The following TMEM63C variants were observed in gnomAD, a reference collection of about 807,000 sequenced individuals.
TMEM63C encodes transmembrane protein 63C.
Under a neutral mutation model 99.2 loss-of-function variants are expected in TMEM63C, and 32 were observed. The ratio of observed to expected loss-of-function variants is 0.32; its 90% CI spans 0.24 to 0.43. The LOEUF is 0.43. Ranked by LOEUF, TMEM63C falls within the 20% of genes least tolerant of loss-of-function variation. TMEM63C has a pLI of 1.00. For synonymous variants in TMEM63C, 376 were observed against 397.9 expected (o/e 0.94, Z 0.66); for missense variants, 826 against 1,053.0 (o/e 0.78, Z 2.98).
At chr14:77,195,284 G>A (rs1007453460) in intron 1 of TMEM63C, among the ~76,000 whole-genome samples, 5 of 152,200 alleles carry the variant, frequency 3.3e-5, no homozygotes, top group African/African-American at 1.2e-4. Context: ...AGGAAAATGA[G>A]AGCTAGAGAG....
At chr14:77,186,255 C>T (rs1887992989) in intron 1 of TMEM63C, among the ~76,000 whole-genome samples, 1 of 152,094 alleles carries the variant, frequency 6.6e-6, no homozygotes, top group African/African-American at 2.4e-5. Flanking sequence ...TCAGGTGATC[C>T]ACTCATCTCA....
chr14:77,245,859 T>C lies in TMEM63C; in HGVS notation c.1449-81T>C, dbSNP rs1303187819. 6 of 1,024,846 alleles carry C rather than the reference T, an allele frequency of 5.9e-6. No individual in the cohort carries two copies. The East Asian group carries it at 1.2e-4, about 20-fold the overall frequency. 63.5% of individuals were successfully genotyped at this position (1,024,846 alleles called of 1,614,324 possible). A position where few individuals can be genotyped will look rare whatever the true frequency, so the allele number is the denominator to read the frequency against. ...CAGAGCCAAACCATATCAGTGTCTCTCTTCCTCTCTATTACATAGTTAGGC... is the reference window on the plus strand; with the variant it reads ...CAGAGCCAAACCATATCAGTGTCTCCCTTCCTCTCTATTACATAGTTAGGC... On this transcript the variant is annotated intron_variant, in intron 16 of 23. Coordinates refer to ENST00000298351, the MANE Select transcript of TMEM63C (RefSeq NM_020431.4).
At chr14:77,210,683 GAGA>G (rs1318122986) in intron 1 of TMEM63C, among the ~76,000 whole-genome samples, 1 of 152,196 alleles carries the variant, frequency 6.6e-6, no homozygotes, top group Non-Finnish European at 1.5e-5. Context: ...AGGAGACCTG[GAGA>G]AGAAGGAAGA....
chr14:77,255,097 TCTC>T (rs1312398559), intron 23 of TMEM63C, among the ~76,000 whole-genome samples: 1 of 152,188 alleles, frequency 6.6e-6, no homozygotes, highest in Admixed American at 6.5e-5. Context: ...TTAAAGCAAT[TCTC>T]CTGTCTCAGC....
In TMEM63C at chr14:77,248,811, G is replaced by T; in HGVS notation, c.1809G>T (p.Met603Ile). 1 of 1,614,070 alleles carries T rather than the reference G, an allele frequency of 6.2e-7. No homozygotes were observed. The highest frequency in any genetic ancestry group is 1.3e-5 in the African/African-American group (1 of 75,058). The change falls in exon 20 of 24, where the codon ATG (methionine) becomes ATT (isoleucine). Residue 603 changes from methionine (M) to isoleucine (I), a missense_variant. By Grantham distance (10) the Met-to-Ile change is conservative (BLOSUM62 1). Transcript: ENST00000298351. ...DFQFGREYAW[M>I]MNVFSVVMAY... ...AGTTTGGGCGTGAGTATGCGTGGAT[G>T]ATGAACGTGTTCAGCGTGGTGATGG...
intron 7 of TMEM63C, 97 bp from the exon 8 acceptor site, chr14:77,233,355 T>A (rs1888978860): frequency 7.7e-7 from 1 of 1,293,644 alleles, no homozygotes; most frequent in Non-Finnish European, 1.1e-6. Flanking sequence ...AAGGCAAGCA[T>A]CTCCAGACCC....
intron 6 of TMEM63C, among the ~76,000 whole-genome samples, chr14:77,229,530 C>T (rs144940087): frequency 0.031 from 4,688 of 151,176 alleles, 249 homozygotes; most frequent in African/African-American, 0.11. Context: ...TCACTGTAGC[C>T]TCAACCTCCC....
In TMEM63C at chr14:77,248,333, C is replaced by A. The variant is rs367692762; in HGVS notation, c.1602-14C>A. The A allele has an allele frequency of 4.9e-5, 78 of 1,599,266 alleles. No individual in the cohort carries two copies. The highest frequency in any genetic ancestry group is 6.3e-5 in the Non-Finnish European group (74 of 1,172,366). The stretch of plus-strand genomic sequence containing the variant: ...TGGCTTCTGTTGCCACCTTCCCTCT[C>A]CCTCACTGCCCAGGTGTGTGTTCCT... On this transcript the variant is annotated splice_polypyrimidine_tract_variant and intron_variant, in intron 18 of 23. Transcript: ENST00000298351.
intron 1 of TMEM63C, among the ~76,000 whole-genome samples, chr14:77,182,429 A>G (rs1404005924): frequency 1.3e-5 from 2 of 152,176 alleles, no homozygotes; most frequent in South Asian, 2.1e-4. Context: ...ATGTGCTTCC[A>G]AAGAAAGGCT....
chr14:77,206,349 T>C (rs1232066909), intron 1 of TMEM63C, among the ~76,000 whole-genome samples: 1 of 152,164 alleles, frequency 6.6e-6, no homozygotes, highest in African/African-American at 2.4e-5. Flanking sequence ...CTTGATGCTG[T>C]AGTCAGCACA....
chr14:77,202,851 ACACACACACACACACG>A (rs71125544), intron 1 of TMEM63C, among the ~76,000 whole-genome samples: 40,006 of 139,186 alleles, frequency 0.29, 6,471 homozygotes, highest in East Asian at 0.53. Flanking sequence ...ACACACACAC[ACACACACACACACACG>A]CACACACACC....
At chr14:77,193,706 T>A (rs576168745) in intron 1 of TMEM63C, among the ~76,000 whole-genome samples, 4 of 152,070 alleles carry the variant, frequency 2.6e-5, no homozygotes, top group Non-Finnish European at 5.9e-5. Context: ...TGGTGACGCA[T>A]GCCTGTAATC....
At chr14:77,244,039 T>C (rs1312366349) in intron 15 of TMEM63C, among the ~76,000 whole-genome samples, 1 of 151,596 alleles carries the variant, frequency 6.6e-6, no homozygotes, top group African/African-American at 2.4e-5. Flanking sequence ...CCCGCTCACA[T>C]GTCATCACAG....
chr14:77,241,740 G>A (rs971261935), intron 13 of TMEM63C, among the ~76,000 whole-genome samples: 1 of 152,182 alleles, frequency 6.6e-6, no homozygotes, highest in African/African-American at 2.4e-5. Context: ...TTTCTGTGTT[G>A]TTTAAAGCAA....
chr14:77,232,260 T>A (rs996598634), intron 7 of TMEM63C, among the ~76,000 whole-genome samples: 11 of 150,956 alleles, frequency 7.3e-5, no homozygotes, highest in African/African-American at 2.2e-4. Context: ...CTAGCTAATA[T>A]GTTATTTTAT....
At chr14:77,251,759 C>T in intron 21 of TMEM63C, 30 bp from the exon 22 acceptor site, 3 of 1,590,318 alleles carry the variant, frequency 1.9e-6, no homozygotes, top group Non-Finnish European at 2.6e-6. Flanking sequence ...TGGCAGACTC[C>T]TGCCCATGAC....
At chr14:77,256,488 G>T in intron 23 of TMEM63C, 38 bp from the exon 24 acceptor site, 1 of 1,608,076 alleles carries the variant, frequency 6.2e-7, no homozygotes. Context: ...TGCCCCCAAC[G>T]TGACCTTGCT....
Position 77,248,446 on chromosome 14 carries a change from C to T in TMEM63C, c.1701C>T (p.Leu567=). The T allele has an allele frequency of 6.3e-7, 1 of 1,579,616 alleles. No individual in the cohort carries two copies. Among genetic ancestry groups the T allele is most frequent in the East Asian group, 2.3e-5 (1 of 42,646 alleles). ...TGMELLRLGS[L]FCYSTRLFFS... ...TGGAGCTGCTGCGTCTGGGGTCACT[C>T]TTCTGCTACAGCACCCGCCTCTTCT... The change falls in exon 19 of 24, where the codon CTC becomes CTT. Residue 567 remains leucine (L), a synonymous_variant. Coordinates refer to ENST00000298351, the MANE Select transcript of TMEM63C (RefSeq NM_020431.4).
chr14:77,227,779 T>C (rs1888855224), intron 6 of TMEM63C, among the ~76,000 whole-genome samples: 1 of 152,116 alleles, frequency 6.6e-6, no homozygotes. Context: ...ACATTGACTT[T>C]GGTGAGTTGG....
Sources: gnomAD v4.1 joint callset for allele counts (sites outside exome capture counted in the v4.1 genomes callset) on GRCh38, gnomAD v4.1.1 for gene constraint, MANE v1.5 for transcripts, NCBI Gene and HGNC (gene_info 2026-07-23, HGNC 2026-07-21) for gene names.